NCKAP5: variants seen among roughly 807,000 people sequenced by gnomAD.
The protein encoded by NCKAP5 is NCK associated protein 5, also known as nck-associated protein 5.
Under a neutral mutation model 167.0 loss-of-function variants are expected in NCKAP5, and 92 were observed. The ratio of observed to expected loss-of-function variants is 0.55; its 90% CI spans 0.47 to 0.66. The LOEUF (loss-of-function observed/expected upper bound fraction) is 0.66. Ranked by LOEUF, NCKAP5 falls within the 30% of genes least tolerant of loss-of-function variation. NCKAP5 has a pLI of 0.00. For synonymous variants in NCKAP5, 891 were observed against 877.4 expected (o/e 1.02, Z -0.27); for missense variants, 2,378 against 2,315.0 (o/e 1.03, Z -0.56).
intron 8 of NCKAP5, among the ~76,000 whole-genome samples, chr2:132,915,872 G>C (rs998711676): frequency 6.6e-6 from 1 of 151,960 alleles, no homozygotes; most frequent in African/African-American, 2.4e-5. Flanking sequence ...AGATGGCTTA[G>C]GGAGACTTGG....
chr2:132,872,900 GAA>G (rs1690941150), intron 9 of NCKAP5, among the ~76,000 whole-genome samples: 1 of 152,078 alleles, frequency 6.6e-6, no homozygotes, highest in Admixed American at 6.6e-5. Context: ...GGATGGGAGA[GAA>G]ATCTGACTTT....
intron 3 of NCKAP5, among the ~76,000 whole-genome samples, chr2:133,482,816 TTC>T (rs1491016009): frequency 6.6e-6 from 1 of 152,164 alleles, no homozygotes; most frequent in Admixed American, 6.5e-5. Context: ...TTATTTTTTT[TTC>T]TTTTTAATAA....
intron 6 of NCKAP5, among the ~76,000 whole-genome samples, chr2:133,018,543 C>T (rs993689703): frequency 6.6e-6 from 1 of 152,138 alleles, no homozygotes; most frequent in Non-Finnish European, 1.5e-5. Context: ...GTTCTGACTC[C>T]TAGAACAGGG....
chr2:132,796,739 A>T lies in NCKAP5; in HGVS notation c.808-10T>A. On this transcript the variant is annotated splice_polypyrimidine_tract_variant and intron_variant, in intron 11 of 19. Coordinates refer to ENST00000409261, the MANE Select transcript of NCKAP5 (RefSeq NM_207363.3). ...GACGTGAGTGAAGTTTCTAGGTAAA[A>T]CCAAGCAGAAACATTGAATAGCGAT... The T allele has an allele frequency of 6.4e-7, 1 of 1,562,718 alleles. No individual in the cohort carries two copies. Among genetic ancestry groups the T allele is most frequent in the Middle Eastern group, 1.7e-4 (1 of 5,962 alleles).
intron 2 of NCKAP5, among the ~76,000 whole-genome samples, chr2:133,540,553 A>G (rs1198350265): frequency 1.3e-5 from 2 of 152,232 alleles, no homozygotes; most frequent in Admixed American, 6.5e-5. Flanking sequence ...GCAAAAAATG[A>G]GAGAGAAGGA....
chr2:133,642,076 G>C, the NCKAP5 span, among the ~76,000 whole-genome samples: 48 of 152,160 alleles, frequency 3.2e-4, no homozygotes, highest in African/African-American at 1.1e-3. Flanking sequence ...TGGCAGAAAA[G>C]GGAAAGGAAA....
chr2:132,773,206 G>A (rs16841087), intron 16 of NCKAP5, among the ~76,000 whole-genome samples: 103 of 152,246 alleles, frequency 6.8e-4, no homozygotes, highest in Non-Finnish European at 1.3e-3. Context: ...AAGGAATGCA[G>A]TCACAGGCAA....
At chr2:133,011,272 T>G (rs1362994553) in intron 6 of NCKAP5, among the ~76,000 whole-genome samples, 1 of 152,184 alleles carries the variant, frequency 6.6e-6, no homozygotes, top group Non-Finnish European at 1.5e-5. Context: ...TCCACAGAAT[T>G]TTACTGTAAT....
At chr2:133,099,032 A>C (rs2081424625) in intron 6 of NCKAP5, among the ~76,000 whole-genome samples, 1 of 152,180 alleles carries the variant, frequency 6.6e-6, no homozygotes, top group Non-Finnish European at 1.5e-5. Flanking sequence ...ATGGGCATTA[A>C]ACAGACATTC....
At chr2:132,712,544 C>T (rs1688965836) in intron 19 of NCKAP5, among the ~76,000 whole-genome samples, 1 of 151,904 alleles carries the variant, frequency 6.6e-6, no homozygotes, top group Admixed American at 6.6e-5. Context: ...CCCAGCTACT[C>T]AGGAGGCTGA....
intron 11 of NCKAP5, among the ~76,000 whole-genome samples, chr2:132,811,096 T>C (rs1402046594): frequency 6.6e-6 from 1 of 152,198 alleles, no homozygotes; most frequent in Non-Finnish European, 1.5e-5. Flanking sequence ...GGGGGTTGTC[T>C]GCACAGAGTC....
chr2:132,878,395 T>A (rs1691457488), intron 9 of NCKAP5, among the ~76,000 whole-genome samples: 1 of 152,066 alleles, frequency 6.6e-6, no homozygotes, highest in Non-Finnish European at 1.5e-5. Flanking sequence ...GTGAACATCA[T>A]CCCCACCCAC....
At chr2:133,263,734 C>T (rs1193396137) in intron 4 of NCKAP5, among the ~76,000 whole-genome samples, 1 of 152,068 alleles carries the variant, frequency 6.6e-6, no homozygotes, top group Admixed American at 6.5e-5. Context: ...AGAGAAACTG[C>T]CATTTATCCA....
chr2:132,962,204 C>A (rs1558993649), intron 8 of NCKAP5, among the ~76,000 whole-genome samples: 1 of 152,060 alleles, frequency 6.6e-6, no homozygotes, highest in Non-Finnish European at 1.5e-5. Context: ...TAAGTAGGAA[C>A]AAAATTAAGG....
intron 5 of NCKAP5, among the ~76,000 whole-genome samples, chr2:133,158,868 G>T (rs750696324): frequency 6.6e-6 from 1 of 151,584 alleles, no homozygotes; most frequent in African/African-American, 2.4e-5. Context: ...CTGGTGCTAG[G>T]GTCAAAAGGG....
the NCKAP5 span, among the ~76,000 whole-genome samples, chr2:133,671,643 C>G: frequency 2.6e-5 from 4 of 152,086 alleles, no homozygotes; most frequent in African/African-American, 9.7e-5. Context: ...GAGGCAGCCC[C>G]TCAACCTTGG....
chr2:133,138,999 T>G (rs991242728), intron 5 of NCKAP5, among the ~76,000 whole-genome samples: 1 of 152,142 alleles, frequency 6.6e-6, no homozygotes, highest in Non-Finnish European at 1.5e-5. Flanking sequence ...ACATTCCCCA[T>G]AGGAAACCTG....
At chr2:133,207,774 T>C (rs2086020083) in intron 5 of NCKAP5, among the ~76,000 whole-genome samples, 2 of 151,970 alleles carry the variant, frequency 1.3e-5, no homozygotes, top group Admixed American at 1.3e-4. Context: ...ATAAAATAAA[T>C]ACCAATGCAG....
chr2:133,186,353 T>G (rs1453167230), intron 5 of NCKAP5, among the ~76,000 whole-genome samples: 1 of 152,076 alleles, frequency 6.6e-6, no homozygotes, highest in African/African-American at 2.4e-5. Context: ...TGAATTTGGT[T>G]TGTTAATATT....
Sources: gnomAD v4.1 joint callset for allele counts (sites outside exome capture counted in the v4.1 genomes callset) on GRCh38, gnomAD v4.1.1 for gene constraint, MANE v1.5 for transcripts, NCBI Gene and HGNC (gene_info 2026-07-23, HGNC 2026-07-21) for gene names.